Variants in EME2 observed in about 807,000 individuals in gnomAD.
The protein encoded by EME2 is essential meiotic structure-specific endonuclease subunit 2, also known as structure-specific endonuclease subunit EME2.
EME2 carries 58 observed loss-of-function variants against 41.9 expected under a neutral mutation model. The ratio of observed to expected loss-of-function variants is 1.38; its 90% CI spans 1.12 to 1.72. The LOEUF (loss-of-function observed/expected upper bound fraction) is 1.72. Among genes scored for constraint, EME2 ranks in the 40% most tolerant of loss-of-function variants. The pLI, the probability that EME2 is intolerant of heterozygous loss-of-function variation, is 0.00. For synonymous variants in EME2, 334 were observed against 239.3 expected (o/e 1.40, Z -3.65); for missense variants, 695 against 541.9 (o/e 1.28, Z -2.81).
Position 1,781,685 on chromosome 16 carries a change from A to G in EME2, c.*5447A>G. 1 of 606,130 alleles carries G rather than the reference A, an allele frequency of 1.6e-6. No homozygotes were observed. The allele number at this position is 606,130 out of a possible 1,614,324, so 37.5% of individuals were successfully genotyped here. A position where few individuals can be genotyped will look rare whatever the true frequency, so the allele number is the denominator to read the frequency against. On this transcript the variant is annotated 3_prime_UTR_variant, in exon 8 of 8. Transcript: ENST00000568449. The stretch of plus-strand genomic sequence containing the variant: ...CTGAGCAGCTCAATAAAACCCAGGT[A>G]GATCCTGTGAAACGCCACCCAGACA...
In EME2 at chr16:1,773,826, C is replaced by T; in HGVS notation, c.369C>T (p.Asp123=). Residue 123 remains aspartate, a synonymous_variant, in exon 2 of 8, where the codon GAC becomes GAT. Coordinates refer to ENST00000568449, the MANE Select transcript of EME2 (RefSeq NM_001257370.2). ...RSLRWTRASP[D]PCPRSLPPEV... ...TGCGGTGGACCCGAGCGAGTCCCGA[C>T]CCCTGCCCCCGCAGCGTGAGTGGTC... 1.9e-6 allele frequency: 3 copies of T among 1,549,172 alleles called. No individual in the cohort carries two copies. Among genetic ancestry groups the T allele is most frequent in the East Asian group, 4.8e-5 (2 of 41,682 alleles).
rs746468202 is a variant in EME2, at chr16:1,781,329, C to A, written c.*5091C>A. 1.9e-6 allele frequency: 3 copies of A among 1,612,758 alleles called. No individual in the cohort carries two copies. Among genetic ancestry groups the A allele is most frequent in the Admixed American group, 3.3e-5 (2 of 60,000 alleles). On this transcript the variant is annotated 3_prime_UTR_variant, in exon 8 of 8. Transcript: ENST00000568449. ...AGGGCATCTCCACACCTTAGGCCAGCCACGTCCGCCTCGCCCGCTGGAACC... is the reference window on the plus strand; with the variant it reads ...AGGGCATCTCCACACCTTAGGCCAGACACGTCCGCCTCGCCCGCTGGAACC...
Position 1,773,123 on chromosome 16 carries a change from G to A in EME2, c.-105G>A, listed in dbSNP as rs769701527. 2.0e-5 allele frequency: 28 copies of A among 1,390,642 alleles called. No homozygotes were observed. The highest frequency in any genetic ancestry group is 1.9e-4 in the Middle Eastern group (1 of 5,356). The allele number at this position is 1,390,642 out of a possible 1,614,324, so 86.1% of individuals were successfully genotyped here. On this transcript the variant is annotated 5_prime_UTR_variant, in exon 1 of 8. Coordinates refer to ENST00000568449, the MANE Select transcript of EME2 (RefSeq NM_001257370.2). ...GACGCACCTTCTTCCGCGCCATGGC[G>A]GGTCCGCGTCCTCAGCGGTCCGGCC...
In EME2 at chr16:1,773,023, G is replaced by T. The variant is rs11552431; in HGVS notation, c.-205G>T. On this transcript the variant is annotated 5_prime_UTR_variant, in exon 1 of 8. Coordinates refer to ENST00000568449, the MANE Select transcript of EME2 (RefSeq NM_001257370.2). ...AAGGTCTCGTAGTCCACCGCGTAGA[G>T]CTGGGAGTCGCGCGGCCTGTTCAGT... 180,879 of 1,445,648 alleles carry T rather than the reference G, an allele frequency of 0.13. 12,496 individuals carry two copies. The highest frequency in any genetic ancestry group is 0.27 in the East Asian group (9,699 of 35,592). The allele number at this position is 1,445,648 out of a possible 1,614,324, so 89.6% of individuals were successfully genotyped here.
In EME2 at chr16:1,778,538, G is replaced by A. The variant is rs2042748694; in HGVS notation, c.*2300G>A. ...GCCCAGCACAGTCACAGAAGGACTC[G>A]CCGGTCACGGGCACCGCACTGGGGA... On this transcript the variant is annotated 3_prime_UTR_variant, in exon 8 of 8. Transcript: ENST00000568449. 10 of 1,609,034 alleles carry A rather than the reference G, an allele frequency of 6.2e-6. No individual in the cohort carries two copies. Among genetic ancestry groups the A allele is most frequent in the Non-Finnish European group, 7.6e-6 (9 of 1,177,428 alleles).
At chr16:1,775,223 G>C (rs1394638647) in intron 4 of EME2, 91 bp downstream of exon 4, 1 of 1,585,600 alleles carries the variant, frequency 6.3e-7, no homozygotes, top group Admixed American at 1.7e-5. Context: ...TGGCACAGCT[G>C]ATCCCACTTC....
Position 1,777,290 on chromosome 16 carries a change from G to A in EME2, c.*1052G>A, listed in dbSNP as rs201038536. On this transcript the variant is annotated 3_prime_UTR_variant, in exon 8 of 8. Transcript: ENST00000568449. ...CGGCAGACCCTCCAGCGTGTCTCCC[G>A]AGTCTGGCCGCAGCTGGCGCAGGCG... The A allele has an allele frequency of 1.3e-5, 21 of 1,610,330 alleles. No homozygotes were observed. Among genetic ancestry groups the A allele is most frequent in the East Asian group, 4.5e-5 (2 of 44,878 alleles).
chr16:1,781,063 A>G lies in EME2; in HGVS notation c.*4825A>G. 2 of 1,044,714 alleles carry G rather than the reference A, an allele frequency of 1.9e-6. No individual in the cohort carries two copies. Among genetic ancestry groups the G allele is most frequent in the East Asian group, 3.6e-5 (1 of 27,670 alleles). The allele number at this position is 1,044,714 out of a possible 1,614,324, so 64.7% of individuals were successfully genotyped here. ...GTGGAGAATTTCTGTTGAATGAACC[A>G]AAAGCAACTGCCAACCTCTCCATGC... is the stretch of plus-strand genomic sequence containing the variant. On this transcript the variant is annotated 3_prime_UTR_variant, in exon 8 of 8. Transcript: ENST00000568449.
chr16:1,777,555 G>C lies in EME2; in HGVS notation c.*1317G>C. On this transcript the variant is annotated 3_prime_UTR_variant, in exon 8 of 8. Transcript: ENST00000568449. ...CCGGGTGGGCAGCTGGCACAGCTGA[G>C]GCAAGGCAGGGTGCACGCGCTGGCC... 12 of 1,355,230 alleles carry C rather than the reference G, an allele frequency of 8.9e-6. No homozygotes were observed. The South Asian group carries it at 1.8e-4, about 20-fold the overall frequency. 84.0% of individuals were successfully genotyped at this position (1,355,230 alleles called of 1,614,324 possible).
In EME2 at chr16:1,773,781, C is replaced by T; in HGVS notation, c.324C>T (p.Pro108=). 6.4e-7 allele frequency: 1 copy of T among 1,552,690 alleles called. No individual in the cohort carries two copies. The highest frequency in any genetic ancestry group is 8.7e-7 in the Non-Finnish European group (1 of 1,149,742). Residue 108 remains proline, a synonymous_variant, in exon 2 of 8, where the codon CCC becomes CCT. Transcript: ENST00000568449. ...TGGGCTGCGAGTGCCGCATCGAGCC[C>T]CAGCGCCCGGCCCGCAGCCTGCGGT... The part of the protein sequence containing the change: ...EALGCECRIE[P]QRPARSLRWT...
Position 1,776,877 on chromosome 16 carries a change from G to C in EME2, c.*639G>C. 1 of 578,160 alleles carries C rather than the reference G, an allele frequency of 1.7e-6. No homozygotes were observed. The highest frequency in any genetic ancestry group is 3.0e-6 in the Non-Finnish European group (1 of 334,072). 35.8% of individuals were successfully genotyped at this position (578,160 alleles called of 1,614,324 possible). ...TCCTCGCAGCCTCCCACAAGACCTG[G>C]GGCTCAGGGCAGCCGCTTCCCCACC... On this transcript the variant is annotated 3_prime_UTR_variant, in exon 8 of 8. Coordinates refer to ENST00000568449, the MANE Select transcript of EME2 (RefSeq NM_001257370.2).
chr16:1,776,913 G>T lies in EME2; in HGVS notation c.*675G>T, dbSNP rs190864318. On this transcript the variant is annotated 3_prime_UTR_variant, in exon 8 of 8. Coordinates refer to ENST00000568449, the MANE Select transcript of EME2 (RefSeq NM_001257370.2). ...AGCCGCTTCCCCACCCAGCACAGCA[G>T]CAGAGGGGCCCTAGAGCCCCCACAG... 622 of 686,526 alleles carry T rather than the reference G, an allele frequency of 9.1e-4. 3 individuals carry two copies. In the African/African-American group the frequency reaches 9.6e-3, roughly 11 times the overall value. The allele number at this position is 686,526 out of a possible 1,614,324, so 42.5% of individuals were successfully genotyped here. A position where few individuals can be genotyped will look rare whatever the true frequency, so the allele number is the denominator to read the frequency against.
Position 1,780,852 on chromosome 16 carries a change from C to T in EME2, c.*4614C>T, listed in dbSNP as rs530036555. The T allele has an allele frequency of 2.0e-4, 61 of 305,778 alleles. No homozygotes were observed. Among genetic ancestry groups the T allele is most frequent in the African/African-American group, 1.2e-3 (54 of 45,726 alleles). 18.9% of individuals were successfully genotyped at this position (305,778 alleles called of 1,614,324 possible). On this transcript the variant is annotated 3_prime_UTR_variant, in exon 8 of 8. Coordinates refer to ENST00000568449, the MANE Select transcript of EME2 (RefSeq NM_001257370.2). ...GGCTCAAGCAATCCTCCCAGCTCAGCCTCCTGAGTCGTTGGGACTACAGGC... is the reference window on the plus strand; with the variant it reads ...GGCTCAAGCAATCCTCCCAGCTCAGTCTCCTGAGTCGTTGGGACTACAGGC...
rs770238085 is a variant in EME2 at position 1,777,731 on chromosome 16, C to T, written c.*1493C>T. On this transcript the variant is annotated 3_prime_UTR_variant, in exon 8 of 8. Transcript: ENST00000568449. ...GGTGACAGCTGAGAGGAGCTCAAGTCCTGTGACGGCCTCACCTATACACTT... is the reference window on the plus strand; with the variant it reads ...GGTGACAGCTGAGAGGAGCTCAAGTTCTGTGACGGCCTCACCTATACACTT... 6.2e-6 allele frequency: 10 copies of T among 1,610,568 alleles called. No individual in the cohort carries two copies. Among genetic ancestry groups the T allele is most frequent in the Non-Finnish European group, 7.6e-6 (9 of 1,179,032 alleles).
Position 1,773,485 on chromosome 16 carries a change from G to A in EME2, c.247+11G>A, listed in dbSNP as rs200230515. 1.3e-6 allele frequency: 2 copies of A among 1,578,700 alleles called. No individual in the cohort carries two copies. Among genetic ancestry groups the A allele is most frequent in the Non-Finnish European group, 1.7e-6 (2 of 1,171,668 alleles). On this transcript the variant is annotated intron_variant, in intron 1 of 7. Transcript: ENST00000568449. ...TGTGCGTGGACACAGGTGCGGCGGA[G>A]GGCACGGGCGATACTCGGGGTAGGA...
chr16:1,775,874 G>C lies in EME2; in HGVS notation c.857G>C (p.Gly286Ala), dbSNP rs747403307. 2.5e-5 allele frequency: 41 copies of C among 1,612,470 alleles called. No homozygotes were observed. Among genetic ancestry groups the C allele is most frequent in the Non-Finnish European group, 3.5e-5 (41 of 1,179,872 alleles). Residue 286 changes from glycine to alanine, a missense_variant, in exon 7 of 8, where the codon GGC becomes GCC. Transcript: ENST00000568449. ...WAAGEPVARD[G>A]AGLQAAWRRQ... ...GCCGGCGAGCCAGTGGCAAGAGACG[G>C]CGCAGGGCTGCAGGCGGCCTGGCGG...
At position 1,777,730 on chromosome 16, in the gene EME2, T is replaced by A. The variant is rs2042735007; in HGVS notation, c.*1492T>A. On this transcript the variant is annotated 3_prime_UTR_variant, in exon 8 of 8. Coordinates refer to ENST00000568449, the MANE Select transcript of EME2 (RefSeq NM_001257370.2). ...GGGTGACAGCTGAGAGGAGCTCAAG[T>A]CCTGTGACGGCCTCACCTATACACT... The A allele has an allele frequency of 6.2e-7, 1 of 1,610,580 alleles. No individual in the cohort carries two copies. Among genetic ancestry groups the A allele is most frequent in the Non-Finnish European group, 8.5e-7 (1 of 1,178,946 alleles).
chr16:1,774,804 G>T, intron 3 of EME2: 1 of 589,954 alleles, frequency 1.7e-6, no homozygotes, highest in South Asian at 2.0e-5. Flanking sequence ...CCAGGATGAG[G>T]GGCTCAATGG....
chr16:1,773,198 G>C lies in EME2; in HGVS notation c.-30G>C. On this transcript the variant is annotated 5_prime_UTR_variant, in exon 1 of 8. Coordinates refer to ENST00000568449, the MANE Select transcript of EME2 (RefSeq NM_001257370.2). ...TCCCAGGCTAAAGTGTTCGGTCGCG[G>C]CCGGAAGCGAGGAAGAGGTCGGTCC... is the stretch of plus-strand genomic sequence containing the variant. 1 of 1,438,802 alleles carries C rather than the reference G, an allele frequency of 7.0e-7. No individual in the cohort carries two copies. Among genetic ancestry groups the C allele is most frequent in the East Asian group, 2.7e-5 (1 of 37,542 alleles). 89.1% of individuals were successfully genotyped at this position (1,438,802 alleles called of 1,614,324 possible). A position where few individuals can be genotyped will look rare whatever the true frequency, so the allele number is the denominator to read the frequency against.
Sources: gnomAD v4.1 joint callset for allele counts on GRCh38, gnomAD v4.1.1 for gene constraint, MANE v1.5 for transcripts, NCBI Gene and HGNC (gene_info 2026-07-23, HGNC 2026-07-21) for gene names.